Variants in LHPP observed in about 807,000 individuals in gnomAD.
The protein encoded by LHPP is hLHPP.
In LHPP, 24 loss-of-function variants were observed where a neutral mutation model predicts 30.3. The ratio of observed to expected loss-of-function variants is 0.79; its 90% CI spans 0.57 to 1.11. LHPP has a LOEUF of 1.11. LHPP is among the 50% of genes most tolerant of loss of function. The pLI, the probability that LHPP is intolerant of heterozygous loss-of-function variation, is 0.00. For synonymous variants in LHPP, 150 were observed against 157.1 expected (o/e 0.95, Z 0.34); for missense variants, 356 against 367.2 (o/e 0.97, Z 0.25).
chr10:124,462,116 C>A, intron 1 of LHPP, 129 bp downstream of exon 1: 1 of 859,190 alleles, frequency 1.2e-6, no homozygotes, highest in African/African-American at 1.8e-5. Context: ...CTCCCCCTTC[C>A]CACCCCGGTG....
At chr10:124,489,231 A>C (rs1354013712) in intron 3 of LHPP, among the ~76,000 whole-genome samples, 1 of 152,220 alleles carries the variant, frequency 6.6e-6, no homozygotes, top group Non-Finnish European at 1.5e-5. Flanking sequence ...TTTTAGTCCC[A>C]CTGCACGAGG....
intron 6 of LHPP, among the ~76,000 whole-genome samples, chr10:124,548,001 C>T (rs66711466): frequency 0.14 from 20,813 of 152,238 alleles, 1,890 homozygotes; most frequent in Non-Finnish European, 0.2. Context: ...GAGCCTGGGC[C>T]GGGGTGTGTT....
At chr10:124,584,878 G>A (rs1948783099) in intron 6 of LHPP, among the ~76,000 whole-genome samples, 1 of 147,210 alleles carries the variant, frequency 6.8e-6, no homozygotes, top group African/African-American at 2.6e-5. Context: ...GACAGCAACA[G>A]TGGAAAATTC....
chr10:124,553,874 A>G (rs1182244792), intron 6 of LHPP: 1 of 985,314 alleles, frequency 1.0e-6, no homozygotes, highest in Non-Finnish European at 1.2e-6. Flanking sequence ...TAAGGGGCCC[A>G]CCACATCTGT....
At chr10:124,473,505 TCCAATC>T (rs148037678) in intron 1 of LHPP, among the ~76,000 whole-genome samples, 2,199 of 152,184 alleles carry the variant, frequency 0.014, 39 homozygotes, top group African/African-American at 0.049. Flanking sequence ...AGCGTGGGTT[TCCAATC>T]CCAGCTCTGC....
At position 124,590,487 on chromosome 10, in the gene LHPP, G is replaced by A. The variant is rs1198824579; in HGVS notation, c.717-22777G>A. Among the ~76,000 whole-genome samples the A allele has an allele frequency of 6.6e-6, 1 of 152,208 alleles. No homozygotes were observed. Among genetic ancestry groups the A allele is most frequent in the Non-Finnish European group, 1.5e-5 (1 of 68,032 alleles). The stretch of plus-strand genomic sequence containing the variant: ...TCCAGGCTACCCCGAGAAAGCCGCT[G>A]TGTGACCCCATTAGGGGACTTGGCT... On this transcript the variant is annotated intron_variant, in intron 6 of 6. Coordinates refer to ENST00000368842, the MANE Select transcript of LHPP (RefSeq NM_022126.4). This position sits in a 1 kb window ranked among gnomAD's most constrained non-coding sequence, Gnocchi z 4.3.
At chr10:124,464,688 GTT>G (rs572099186) in intron 1 of LHPP, among the ~76,000 whole-genome samples, 1 of 152,208 alleles carries the variant, frequency 6.6e-6, no homozygotes, top group Non-Finnish European at 1.5e-5. Context: ...TCTGGGCAGT[GTT>G]TTGGGGTGAA....
chr10:124,468,491 C>G (rs1484194206), intron 1 of LHPP, among the ~76,000 whole-genome samples: 2 of 152,196 alleles, frequency 1.3e-5, no homozygotes, highest in Non-Finnish European at 2.9e-5. Flanking sequence ...TGTGGGCCTG[C>G]AGAACCGATG....
At chr10:124,545,074 C>T (rs1955299764) in intron 6 of LHPP, among the ~76,000 whole-genome samples, 1 of 152,146 alleles carries the variant, frequency 6.6e-6, no homozygotes, top group Admixed American at 6.5e-5. Flanking sequence ...GCTCTGCCTG[C>T]CACCTCCCTG....
chr10:124,587,764 A>C (rs1238391684), intron 6 of LHPP, among the ~76,000 whole-genome samples: 1 of 147,272 alleles, frequency 6.8e-6, no homozygotes, highest in African/African-American at 2.5e-5. Flanking sequence ...AAAAAAAAAA[A>C]ACCAAAAAAA....
intron 1 of LHPP, among the ~76,000 whole-genome samples, chr10:124,474,969 ACCAC>A (rs1952895975): frequency 6.7e-6 from 1 of 149,540 alleles, no homozygotes; most frequent in African/African-American, 2.5e-5. Context: ...TGTCATTGTC[ACCAC>A]CACAGCAATT....
intron 6 of LHPP, among the ~76,000 whole-genome samples, chr10:124,594,651 G>C (rs1948920994): frequency 6.9e-6 from 1 of 145,024 alleles, no homozygotes. Context: ...TTTAATTTGA[G>C]ATGGAGTCTC....
Position 124,557,135 on chromosome 10 carries a change from C to T in LHPP, c.716+39864C>T, listed in dbSNP as rs983305816. On this transcript the variant is annotated intron_variant, in intron 6 of 6. Transcript: ENST00000368842. The stretch of plus-strand genomic sequence containing the variant: ...GCGGACCAGGGTTCAAATCCCCACT[C>T]GGCCACTTCCTAGCAGCATGACTTT... Among the ~76,000 whole-genome samples, 4 of 152,318 alleles carry T rather than the reference C, an allele frequency of 2.6e-5. No individual in the cohort carries two copies. In the East Asian group the frequency reaches 5.8e-4, roughly 22 times the overall value.
At position 124,595,919 on chromosome 10, in the gene LHPP, C is replaced by T. The variant is rs372230313; in HGVS notation, c.717-17345C>T. On this transcript the variant is annotated intron_variant, in intron 6 of 6. Coordinates refer to ENST00000368842, the MANE Select transcript of LHPP (RefSeq NM_022126.4). ...CAGCCACCCAGATGAAGACGAGGAGCACCTCCAATACCCAAGCCTCCCTCC... is the reference window on the plus strand; with the variant it reads ...CAGCCACCCAGATGAAGACGAGGAGTACCTCCAATACCCAAGCCTCCCTCC... Among the ~76,000 whole-genome samples the T allele has an allele frequency of 5.8e-4, 88 of 152,298 alleles. 1 individual carries two copies. In the South Asian group the frequency reaches 7.7e-3, roughly 13 times the overall value.
intron 6 of LHPP, among the ~76,000 whole-genome samples, chr10:124,542,810 C>T (rs553328777): frequency 2.0e-5 from 3 of 152,190 alleles, no homozygotes; most frequent in Admixed American, 6.5e-5. Context: ...CCTCCCCTCA[C>T]GTTCATGGGG....
At chr10:124,520,271 C>G in intron 6 of LHPP, among the ~76,000 whole-genome samples, 1 of 151,484 alleles carries the variant, frequency 6.6e-6, no homozygotes, top group East Asian at 1.9e-4. Context: ...AGTTATTTTT[C>G]CTGATCCTCT....
intron 6 of LHPP, among the ~76,000 whole-genome samples, chr10:124,591,796 G>A (rs762180323): frequency 6.7e-6 from 1 of 149,916 alleles, no homozygotes; most frequent in African/African-American, 2.5e-5. Flanking sequence ...TCTAAGCTCC[G>A]CAGCTGACTA....
intron 6 of LHPP, among the ~76,000 whole-genome samples, chr10:124,525,752 G>A (rs1954716582): frequency 6.6e-6 from 1 of 152,330 alleles, no homozygotes; most frequent in South Asian, 2.1e-4. Flanking sequence ...CTGGGGCAGG[G>A]GAGACAGGAT....
At chr10:124,608,688 A>T (rs7079225) in intron 6 of LHPP, among the ~76,000 whole-genome samples, 2 of 146,534 alleles carry the variant, frequency 1.4e-5, no homozygotes, top group Admixed American at 7.3e-5. Context: ...TCTCGCTCAG[A>T]GGGACCCCCA....
Sources: gnomAD v4.1 joint callset for allele counts (sites outside exome capture counted in the v4.1 genomes callset) on GRCh38, gnomAD v4.1.1 for gene constraint, Gnocchi (gnomAD v3.1) non-coding constraint, MANE v1.5 for transcripts, NCBI Gene and HGNC (gene_info 2026-07-23, HGNC 2026-07-21) for gene names.